The following KLRG1 variants were observed in gnomAD, a reference collection of about 807,000 sequenced individuals.
KLRG1 encodes the protein killer cell lectin like receptor G1, also known as killer cell lectin-like receptor subfamily G member 1.
KLRG1 carries 16 observed loss-of-function variants against 21.8 expected under a neutral mutation model. The observed-to-expected ratio is 0.73, with a 90% CI of 0.50 to 1.11. KLRG1 has a LOEUF of 1.11. KLRG1 is among the 50% of genes most tolerant of loss of function. The pLI, the probability that KLRG1 is intolerant of heterozygous loss-of-function variation, is 0.00. For synonymous variants in KLRG1, 69 were observed against 75.9 expected, an observed-to-expected ratio of 0.91 and a Z score of 0.47; for missense variants, 173 against 218.3, an observed-to-expected ratio of 0.79 and a Z score of 1.31.
At chr12:9,042,626 A>G in the KLRG1 span, among the ~76,000 whole-genome samples, 1 of 152,320 alleles carries the variant, frequency 6.6e-6, no homozygotes, top group East Asian at 1.9e-4. Flanking sequence ...ATGATTTATC[A>G]GTGTGGCTTT....
the KLRG1 span, among the ~76,000 whole-genome samples, chr12:9,034,826 G>C: frequency 6.6e-6 from 1 of 152,108 alleles, no homozygotes; most frequent in Non-Finnish European, 1.5e-5. Flanking sequence ...AAACGGTCTT[G>C]GGCAGGCCCT....
At chr12:9,047,535 G>C in the KLRG1 span, among the ~76,000 whole-genome samples, 1 of 152,090 alleles carries the variant, frequency 6.6e-6, no homozygotes, top group Admixed American at 6.6e-5. Context: ...ATTAAAATAA[G>C]GTAGAGATTA....
the KLRG1 span, among the ~76,000 whole-genome samples, chr12:9,188,113 C>T: frequency 0.56 from 84,946 of 151,924 alleles, 23,773 homozygotes; most frequent in Admixed American, 0.63. Flanking sequence ...AACATTGATG[C>T]GAAAATCCTC....
chr12:9,072,883 A>C, the KLRG1 span: 2 of 1,607,552 alleles, frequency 1.2e-6, no homozygotes, highest in Admixed American at 1.7e-5. Flanking sequence ...TGTTAGAGAC[A>C]GATGAGTGAG....
At chr12:9,163,116 G>A in the KLRG1 span, among the ~76,000 whole-genome samples, 1 of 151,758 alleles carries the variant, frequency 6.6e-6, no homozygotes, top group Non-Finnish European at 1.5e-5. Flanking sequence ...AGATAATAAG[G>A]GCAGTAAATC....
chr12:8,990,217 C>T (rs1304070938), intron 1 of KLRG1: 1 of 150,744 alleles, frequency 6.6e-6, no homozygotes, highest in African/African-American at 2.4e-5. Context: ...CACAGTGTTG[C>T]ACTAGAATGG....
At chr12:8,994,517 A>C (rs533101261) in intron 2 of KLRG1, among the ~76,000 whole-genome samples, 8 of 152,188 alleles carry the variant, frequency 5.3e-5, no homozygotes, top group Non-Finnish European at 8.8e-5. Context: ...GAAAAATATC[A>C]AAGTAAGTTC....
At chr12:9,090,879 G>T in the KLRG1 span, among the ~76,000 whole-genome samples, 28 of 152,162 alleles carry the variant, frequency 1.8e-4, no homozygotes, top group Admixed American at 1.8e-3. Flanking sequence ...TTAATATAAT[G>T]AATGAGCTAC....
chr12:8,965,791 C>A (rs1354446178), intron 1 of KLRG1, among the ~76,000 whole-genome samples: 1 of 152,186 alleles, frequency 6.6e-6, no homozygotes, highest in African/African-American at 2.4e-5. Context: ...CAATGCCATC[C>A]CCATCAAGCT....
At chr12:9,076,664 A>G in the KLRG1 span, 4 of 1,146,630 alleles carry the variant, frequency 3.5e-6, no homozygotes, top group African/African-American at 4.6e-5. Context: ...GAGAGGAGAC[A>G]GGGATCACAG....
the KLRG1 span, among the ~76,000 whole-genome samples, chr12:9,198,626 A>G: frequency 1.3e-5 from 2 of 152,172 alleles, no homozygotes; most frequent in African/African-American, 4.8e-5. Context: ...TAGTGGGGTT[A>G]TGTGTGTGTG....
chr12:9,094,370 T>C, the KLRG1 span, among the ~76,000 whole-genome samples: 1 of 144,850 alleles, frequency 6.9e-6, no homozygotes, highest in Non-Finnish European at 1.5e-5. Context: ...TATATATATA[T>C]ATATACCTAT....
chr12:9,090,385 A>G, the KLRG1 span: 1 of 1,614,046 alleles, frequency 6.2e-7, no homozygotes, highest in Non-Finnish European at 8.5e-7. Context: ...TGCCCAGGAC[A>G]CAGTTTGCCG....
the KLRG1 span, among the ~76,000 whole-genome samples, chr12:9,121,610 A>G: frequency 6.6e-6 from 1 of 152,218 alleles, no homozygotes; most frequent in Non-Finnish European, 1.5e-5. The surrounding 1 kb of genome is among the most constrained non-coding windows in gnomAD (Gnocchi z 4.4). Flanking sequence ...ATCAGGATAC[A>G]CTTGGTCCTT....
chr12:9,198,943 C>T, the KLRG1 span, among the ~76,000 whole-genome samples: 15 of 152,118 alleles, frequency 9.9e-5, no homozygotes, highest in African/African-American at 3.1e-4. Flanking sequence ...CTTTACCCTG[C>T]GTGCTCCCTC....
the KLRG1 span, among the ~76,000 whole-genome samples, chr12:9,047,605 GAC>G: frequency 6.6e-6 from 1 of 152,186 alleles, no homozygotes; most frequent in African/African-American, 2.4e-5. Context: ...CAATTTAAAA[GAC>G]AGACTATTAG....
intron 1 of KLRG1, among the ~76,000 whole-genome samples, chr12:8,952,650 C>T (rs991273069): frequency 2.6e-5 from 4 of 152,192 alleles, no homozygotes; most frequent in African/African-American, 9.6e-5. Flanking sequence ...TTTTTCCCCT[C>T]CATATACATT....
chr12:9,059,486 A>G, the KLRG1 span, among the ~76,000 whole-genome samples: 179 of 152,262 alleles, frequency 1.2e-3, no homozygotes, highest in Non-Finnish European at 2.0e-3. Context: ...CCTAGCACCT[A>G]TTTACCATTT....
chr12:9,034,804 T>G, the KLRG1 span, among the ~76,000 whole-genome samples: 1 of 152,192 alleles, frequency 6.6e-6, no homozygotes, highest in Non-Finnish European at 1.5e-5. Context: ...ATTAAAAAAT[T>G]TGTTAATTGT....
Sources: gnomAD v4.1 joint callset for allele counts (sites outside exome capture counted in the v4.1 genomes callset) on GRCh38, gnomAD v4.1.1 for gene constraint, Gnocchi (gnomAD v3.1) non-coding constraint, MANE v1.5 for transcripts, NCBI Gene and HGNC (gene_info 2026-07-23, HGNC 2026-07-21) for gene names.